MAP3K19: variants seen among roughly 807,000 people sequenced by gnomAD.
The protein encoded by MAP3K19 is mitogen-activated protein kinase kinase kinase 19.
Under a neutral mutation model 114.4 loss-of-function variants are expected in MAP3K19, and 91 were observed. The observed-to-expected ratio is 0.80, with a 90% CI of 0.67 to 0.95. The LOEUF (loss-of-function observed/expected upper bound fraction) is 0.95. Ranked by LOEUF, MAP3K19 falls within the 40% of genes least tolerant of loss-of-function variation. The probability of loss-of-function intolerance (pLI) is 0.00; values close to 1 mark genes in which losing one functional copy is unlikely to be tolerated. For synonymous variants in MAP3K19, 518 were observed against 530.5 expected, an observed-to-expected ratio of 0.98 and a Z score of 0.32; for missense variants, 1,471 against 1,573.2, an observed-to-expected ratio of 0.94 and a Z score of 1.10.
intron 12 of MAP3K19, among the ~76,000 whole-genome samples, chr2:134,970,275 AT>A (rs993159367): frequency 1.3e-4 from 20 of 152,016 alleles, no homozygotes; most frequent in African/African-American, 4.8e-4. Context: ...TGTGTCTTCA[AT>A]TTTTTTCATC....
intron 12 of MAP3K19, among the ~76,000 whole-genome samples, chr2:134,968,616 T>G (rs1357421936): frequency 6.5e-5 from 8 of 122,334 alleles, no homozygotes; most frequent in African/African-American, 1.3e-4. Context: ...AGGCAGAGGG[T>G]CTCCTCACTT....
chr2:135,038,691 T>C (rs1389605369), intron 2 of MAP3K19, among the ~76,000 whole-genome samples: 1 of 151,880 alleles, frequency 6.6e-6, no homozygotes, highest in African/African-American at 2.4e-5. Context: ...ACCCCATCTC[T>C]ACTAAAAATA....
chr2:134,968,291 C>T (rs990866895), intron 12 of MAP3K19, among the ~76,000 whole-genome samples: 249 of 152,154 alleles, frequency 1.6e-3, no homozygotes, highest in African/African-American at 5.0e-3. Context: ...CATCCGATTT[C>T]TCAGTCTTTT....
intron 5 of MAP3K19, among the ~76,000 whole-genome samples, chr2:135,015,209 T>C (rs1371771459): frequency 6.6e-6 from 1 of 152,242 alleles, no homozygotes; most frequent in African/African-American, 2.4e-5. Context: ...CAACACTTGA[T>C]ATTTCCCAAC....
intron 12 of MAP3K19, among the ~76,000 whole-genome samples, chr2:134,966,299 G>GT (rs1196627649): frequency 3.9e-5 from 6 of 151,912 alleles, no homozygotes; most frequent in South Asian, 2.1e-4. Flanking sequence ...GTTTTTTGGG[G>GT]TTTTTTTGAG....
At chr2:134,997,819 A>AAAAAAAAAAAAAAAAAC (rs1686121125) in intron 8 of MAP3K19, among the ~76,000 whole-genome samples, 2 of 150,528 alleles carry the variant, frequency 1.3e-5, no homozygotes, top group African/African-American at 4.8e-5. Context: ...CTCCGTCTCA[A>AAAAAAAAAAAAAAAAAC]AAAAAAAAAA....
intron 8 of MAP3K19, among the ~76,000 whole-genome samples, chr2:134,997,145 T>C (rs956579549): frequency 6.6e-6 from 1 of 152,198 alleles, no homozygotes; most frequent in African/African-American, 2.4e-5. Flanking sequence ...AGAGTCTAGG[T>C]CCACTTCAAG....
chr2:135,008,272 G>A (rs534607051), intron 5 of MAP3K19, among the ~76,000 whole-genome samples: 4 of 152,062 alleles, frequency 2.6e-5, no homozygotes, highest in South Asian at 4.2e-4. Context: ...ACAGGCACCC[G>A]CCACCATGCC....
rs946106574 is a variant in MAP3K19 at position 134,999,880 on chromosome 2, G to T, written c.314+57C>A. 45 of 1,120,808 alleles carry T rather than the reference G, an allele frequency of 4.0e-5. No individual in the cohort carries two copies. In the Admixed American group the frequency reaches 7.5e-4, roughly 19 times the overall value. 69.4% of individuals were successfully genotyped at this position (1,120,808 alleles called of 1,614,324 possible). A position where few individuals can be genotyped will look rare whatever the true frequency, so the allele number is the denominator to read the frequency against. ...TTACTAATAATGTAGGTTGCCATAT[G>T]ACTATCATTGCTTCATACTTCATTT... On this transcript the variant is annotated intron_variant, in intron 7 of 12. Transcript: ENST00000392915. This position sits in a 1 kb window ranked among gnomAD's most constrained non-coding sequence, Gnocchi z 4.1.
intron 5 of MAP3K19, among the ~76,000 whole-genome samples, chr2:135,020,886 C>T (rs1228357404): frequency 1.3e-5 from 2 of 152,146 alleles, no homozygotes; most frequent in Non-Finnish European, 2.9e-5. Context: ...AACTCTGAGT[C>T]AATTAAACCT....
chr2:135,003,505 T>C (rs1686595629), intron 6 of MAP3K19, among the ~76,000 whole-genome samples: 1 of 152,180 alleles, frequency 6.6e-6, no homozygotes, highest in African/African-American at 2.4e-5. Flanking sequence ...CAATTTCTAG[T>C]CTATAAGATT....
At chr2:135,044,737 G>T (rs548160003) in intron 1 of MAP3K19, among the ~76,000 whole-genome samples, 1 of 152,338 alleles carries the variant, frequency 6.6e-6, no homozygotes, top group South Asian at 2.1e-4. Context: ...ACTGGATGGT[G>T]TCAGGCTTTC....
At chr2:135,009,786 T>G (rs1057062153) in intron 5 of MAP3K19, among the ~76,000 whole-genome samples, 1 of 152,192 alleles carries the variant, frequency 6.6e-6, no homozygotes, top group African/African-American at 2.4e-5. Context: ...GCAAATTTTT[T>G]TGTGTGAAAA....
In MAP3K19 at chr2:134,999,320, T is replaced by C. The variant is rs1250504734; in HGVS notation, c.315-323A>G. 3.9e-5 allele frequency among the ~76,000 whole-genome samples: 6 copies of C among 152,220 alleles called. No homozygotes were observed. The highest frequency in any genetic ancestry group is 3.3e-4 in the Admixed American group (5 of 15,284). On this transcript the variant is annotated intron_variant, in intron 7 of 12. Coordinates refer to ENST00000392915, the MANE Select transcript of MAP3K19 (RefSeq NM_025052.5). This position sits in a 1 kb window ranked among gnomAD's most constrained non-coding sequence, Gnocchi z 4.1. ...CCCTTTTATCTCCACAGGTACTGAC[T>C]AGCCCAGTGTTTCTCAAACTATTTT...
intron 4 of MAP3K19, among the ~76,000 whole-genome samples, chr2:135,022,233 T>G (rs755618041): frequency 1.3e-5 from 2 of 152,202 alleles, no homozygotes; most frequent in Non-Finnish European, 2.9e-5. Flanking sequence ...TAGTTCAGCT[T>G]AAATCTAGTC....
chr2:134,981,542 T>C (rs1448420286), intron 11 of MAP3K19, 24 bp from the exon 12 acceptor site: 2 of 1,520,952 alleles, frequency 1.3e-6, no homozygotes, highest in Non-Finnish European at 1.8e-6. Context: ...AATAATACCT[T>C]GTTATTAAAT....
intron 5 of MAP3K19, among the ~76,000 whole-genome samples, chr2:135,015,770 A>C (rs755985737): frequency 3.9e-5 from 6 of 151,990 alleles, no homozygotes; most frequent in Non-Finnish European, 8.8e-5. Context: ...GTGCATGCTT[A>C]TAATCCCAGC....
At chr2:135,025,576 C>CG (rs1688229625) in intron 3 of MAP3K19, among the ~76,000 whole-genome samples, 1 of 151,750 alleles carries the variant, frequency 6.6e-6, no homozygotes, top group African/African-American at 2.4e-5. Flanking sequence ...TTAGTAGAGA[C>CG]GGGGTTTCAC....
In MAP3K19 at chr2:134,981,431, C is replaced by A. The variant is rs1231545781; in HGVS notation, c.3310G>T (p.Glu1104Ter). Residue 1104 changes from glutamate to a stop codon, truncating the protein, a stop_gained, in exon 12 of 13, where the codon GAA becomes TAA. Coordinates refer to ENST00000392915, the MANE Select transcript of MAP3K19 (RefSeq NM_025052.5). LOFTEE classifies it high-confidence loss of function. ...ACTTCTTCCTGTAGTTTCCGGTATT[C>A]CTTTTCAGCAGCTAATTTATTAGAG... ...DTSNKLAAEK[E>*]YRKLQEEVDL... 1.9e-6 allele frequency: 3 copies of A among 1,614,174 alleles called. No homozygotes were observed. Among genetic ancestry groups the A allele is most frequent in the Non-Finnish European group, 2.5e-6 (3 of 1,180,022 alleles).
Sources: allele counts gnomAD v4.1 joint callset (sites outside exome capture counted in the v4.1 genomes callset), GRCh38; gene constraint gnomAD v4.1.1; non-coding constraint Gnocchi (gnomAD v3.1); transcripts MANE v1.5; gene names NCBI Gene and HGNC (gene_info 2026-07-23, HGNC 2026-07-21).